Variants in CENPI observed in about 807,000 individuals in gnomAD.
CENPI encodes centromere protein I, also known as FSH primary response 1.
In CENPI, 4 loss-of-function variants were observed where a neutral mutation model predicts 60.4. The ratio of observed to expected loss-of-function variants is 0.07; its 90% CI spans 0.03 to 0.15. The LOEUF (loss-of-function observed/expected upper bound fraction) is 0.15, where lower values mean the gene tolerates loss of function less well. Among genes scored for constraint, CENPI ranks in the 10% least tolerant of loss-of-function variants. CENPI has a pLI of 1.00. For synonymous variants in CENPI, 157 were observed against 189.4 expected (o/e 0.83, Z 1.40); for missense variants, 444 against 534.5 (o/e 0.83, Z 1.67).
chrX:101,107,915 C>G (rs1470437640), intron 4 of CENPI, among the ~76,000 whole-genome samples: 1 of 102,499 alleles, frequency 9.8e-6, no homozygotes, highest in African/African-American at 3.6e-5. Context: ...CCACACCTGG[C>G]CTAATTTTGT....
intron 15 of CENPI, among the ~76,000 whole-genome samples, chrX:101,133,317 ATTTT>A (rs750307029): frequency 1.3e-5 from 1 of 77,012 alleles, no homozygotes; most frequent in Non-Finnish European, 2.5e-5. Flanking sequence ...TTCAGTTTGA[ATTTT>A]TTTTTTTTTT....
intron 16 of CENPI, among the ~76,000 whole-genome samples, chrX:101,142,128 G>T (rs2089920293): frequency 9.0e-6 from 1 of 111,626 alleles, no homozygotes; most frequent in African/African-American, 3.3e-5. Flanking sequence ...TCTATTCCCT[G>T]GATCAGCAGG....
chrX:101,135,912 G>A (rs2089843722), intron 15 of CENPI, among the ~76,000 whole-genome samples: 1 of 111,419 alleles, frequency 9.0e-6, no homozygotes, highest in Non-Finnish European at 1.9e-5. Context: ...TAGTAGAGAC[G>A]GGGTTTCACC....
chrX:101,162,802 A>G (rs764193507), intron 21 of CENPI, 31 bp from the exon 22 acceptor site: 4 of 1,199,524 alleles, frequency 3.3e-6, no homozygotes, highest in East Asian at 6.0e-5. Flanking sequence ...AAAATATTCG[A>G]TAAGTAATTT....
At chrX:101,135,760 G>A (rs140297349) in intron 15 of CENPI, among the ~76,000 whole-genome samples, 1,261 of 110,731 alleles carry the variant, frequency 0.011, 14 homozygotes, top group African/African-American at 0.038. Context: ...TCGCTCTGTC[G>A]CCCAGGCTGG....
downstream of CENPI, among the ~76,000 whole-genome samples, chrX:101,170,900 G>A (rs554630057): frequency 9.0e-5 from 10 of 111,472 alleles, no homozygotes; most frequent in Admixed American, 5.8e-4. Flanking sequence ...CCAGAGTTCC[G>A]GGATTACAGA....
chrX:101,178,123 C>T, the CENPI span, among the ~76,000 whole-genome samples: 14 of 111,441 alleles, frequency 1.3e-4, no homozygotes, highest in Admixed American at 3.8e-4. Flanking sequence ...CTGGGGGTCA[C>T]TCACATATCC....
Position 101,107,223 on chromosome X carries a change from C to A in CENPI, c.365-2250C>A, listed in dbSNP as rs920421689. ...AACAAATACATTCTTAAATGTAACA[C>A]CTCATGCAAAGTGTCCGTCAGTAGC... On this transcript the variant is annotated intron_variant, in intron 4 of 21. Transcript: ENST00000682095. Among the ~76,000 whole-genome samples the A allele has an allele frequency of 3.6e-5, 4 of 110,234 alleles. No homozygotes were observed. In the South Asian group the frequency reaches 1.5e-3, roughly 42 times the overall value.
the CENPI span, among the ~76,000 whole-genome samples, chrX:101,181,381 T>C: frequency 8.9e-6 from 1 of 112,470 alleles, no homozygotes; most frequent in Non-Finnish European, 1.9e-5. Flanking sequence ...ACATCGAAAC[T>C]GTAGATCACT....
rs185391329 is a variant in CENPI, at chrX:101,159,474, G to A, written c.2095-2054G>A. Reference sequence around the variant, plus strand: ...ACCGCGCCTGGCCTTTTTTTTCTTTGTGAGACGGAGTTTTGCTCTTGTTGC... The same window carrying A: ...ACCGCGCCTGGCCTTTTTTTTCTTTATGAGACGGAGTTTTGCTCTTGTTGC... On this transcript the variant is annotated intron_variant, in intron 20 of 21. Coordinates refer to ENST00000682095, the MANE Select transcript of CENPI (RefSeq NM_001386188.2). Among the ~76,000 whole-genome samples, 94 of 94,779 alleles carry A rather than the reference G, an allele frequency of 9.9e-4. 1 individual carries two copies. The highest frequency in any genetic ancestry group is 3.6e-3 in the African/African-American group (90 of 25,297). The allele number at this position is 94,779 out of a possible 115,157, so 82.3% of individuals were successfully genotyped here.
chrX:101,146,085 T>C, intron 17 of CENPI, 68 bp from the exon 18 acceptor site: 1 of 990,988 alleles, frequency 1.0e-6, no homozygotes, highest in Non-Finnish European at 1.4e-6. Flanking sequence ...TGATGATTCT[T>C]TGGGTGAACT....
At chrX:101,132,832 C>T (rs965770376) in intron 15 of CENPI, among the ~76,000 whole-genome samples, 18 of 111,855 alleles carry the variant, frequency 1.6e-4, no homozygotes, top group South Asian at 7.4e-4. Flanking sequence ...CTTCTTGACA[C>T]TGGGAATATA....
rs763902254 is a variant in CENPI at position 101,120,384 on chromosome X, T to A, written c.592-18T>A. ...GACATATTATCATTTCTCTTAATAT[T>A]TTTTTATGTTTTAACAGTGCCCTTA... is the stretch of plus-strand genomic sequence containing the variant. On this transcript the variant is annotated intron_variant, in intron 6 of 21. Coordinates refer to ENST00000682095, the MANE Select transcript of CENPI (RefSeq NM_001386188.2). 3.8e-6 allele frequency: 3 copies of A among 799,690 alleles called. No individual in the cohort carries two copies. In the African/African-American group the frequency reaches 6.1e-5, roughly 16 times the overall value. The allele number at this position is 799,690 out of a possible 1,213,427, so 65.9% of individuals were successfully genotyped here.
At chrX:101,178,204 G>A in the CENPI span, among the ~76,000 whole-genome samples, 2 of 110,339 alleles carry the variant, frequency 1.8e-5, no homozygotes, top group Non-Finnish European at 3.8e-5. Context: ...AGGCTGCTTC[G>A]CATCCCTCTC....
intron 2 of CENPI, chrX:101,099,960 T>A (rs752699631): frequency 9.1e-6 from 1 of 109,596 alleles, no homozygotes; most frequent in Admixed American, 9.9e-5. Flanking sequence ...GCTAATTTTT[T>A]AAATCTTAAG....
chrX:101,130,706 A>G (rs960003264), intron 13 of CENPI, among the ~76,000 whole-genome samples: 13 of 112,175 alleles, frequency 1.2e-4, no homozygotes, highest in South Asian at 1.1e-3. Flanking sequence ...CAATCAACAA[A>G]CATTTTTTGA....
the CENPI span, among the ~76,000 whole-genome samples, chrX:101,175,802 T>G: frequency 2.1e-4 from 23 of 111,998 alleles, no homozygotes; most frequent in South Asian, 5.7e-3. Flanking sequence ...TGGAAACATT[T>G]CTATTCTAGC....
At position 101,162,970 on chromosome X, in the gene CENPI, GA is replaced by G. The variant is rs1349261451; in HGVS notation, c.*5del. 1.7e-6 allele frequency: 2 copies of G among 1,207,051 alleles called. No individual in the cohort carries two copies. The highest frequency in any genetic ancestry group is 3.5e-5 in the South Asian group (2 of 56,485). On this transcript the variant is annotated 3_prime_UTR_variant, in exon 22 of 22. Transcript: ENST00000682095. ...TAAACTGCAACAATCAATATTAAATGAATGTTGACATAAACTGAACACACTG... is the reference window on the plus strand; with the variant it reads ...TAAACTGCAACAATCAATATTAAATGATGTTGACATAAACTGAACACACTG...
At chrX:101,140,396 A>G (rs187020295) in intron 15 of CENPI, among the ~76,000 whole-genome samples, 4 of 112,274 alleles carry the variant, frequency 3.6e-5, no homozygotes, top group Admixed American at 9.5e-5. Context: ...GTTGTTATAA[A>G]TTGATGTAAT....
Sources: allele counts gnomAD v4.1 joint callset (sites outside exome capture counted in the v4.1 genomes callset), GRCh38; gene constraint gnomAD v4.1.1; transcripts MANE v1.5; gene names NCBI Gene and HGNC (gene_info 2026-07-23, HGNC 2026-07-21).